Variants in COL25A1 observed in about 807,000 individuals in gnomAD.
The protein encoded by COL25A1 is collagen alpha-1(XXV) chain.
Under a neutral mutation model 128.4 loss-of-function variants are expected in COL25A1, and 103 were observed. The observed-to-expected ratio is 0.80, with a 90% CI of 0.68 to 0.94. COL25A1 has a LOEUF of 0.94. COL25A1 is among the 40% of genes least tolerant of loss of function. The pLI is 0.00. For missense variants in COL25A1, 745 were observed against 840.0 expected (o/e 0.89, Z 1.40); for synonymous variants, 279 against 277.2 (o/e 1.01, Z -0.06).
At chr4:109,252,509 A>G (rs2126244783) in intron 3 of COL25A1, among the ~76,000 whole-genome samples, 1 of 152,310 alleles carries the variant, frequency 6.6e-6, no homozygotes, top group East Asian at 1.9e-4. Context: ...CTTGATTATT[A>G]AAATCCTCTT....
chr4:109,211,562 T>A (rs1777566013), intron 3 of COL25A1, among the ~76,000 whole-genome samples: 1 of 151,036 alleles, frequency 6.6e-6, no homozygotes, highest in Non-Finnish European at 1.5e-5. Context: ...CCTGGCATTG[T>A]CATCAGTGGG....
intron 11 of COL25A1, among the ~76,000 whole-genome samples, chr4:108,923,101 A>G (rs1363394042): frequency 6.6e-6 from 1 of 152,218 alleles, no homozygotes; most frequent in Non-Finnish European, 1.5e-5. Flanking sequence ...TTTTACTTAT[A>G]TGCATTTGTT....
intron 5 of COL25A1, among the ~76,000 whole-genome samples, chr4:109,036,015 C>T (rs1271757772): frequency 6.6e-6 from 1 of 152,004 alleles, no homozygotes; most frequent in Admixed American, 6.6e-5. Context: ...GCAAGCTACG[C>T]CTCCCAGGTT....
At chr4:108,850,613 C>T (rs1049256170) in intron 26 of COL25A1, among the ~76,000 whole-genome samples, 1 of 152,054 alleles carries the variant, frequency 6.6e-6, no homozygotes, top group Non-Finnish European at 1.5e-5. Flanking sequence ...TCAAAGCCAC[C>T]CTTGGCTCTT....
At chr4:109,169,951 T>C (rs1250278166) in intron 3 of COL25A1, among the ~76,000 whole-genome samples, 1 of 152,098 alleles carries the variant, frequency 6.6e-6, no homozygotes, top group Admixed American at 6.5e-5. Flanking sequence ...CATATATTCA[T>C]TTATGTGAAA....
chr4:109,201,986 T>C (rs1776590106), intron 3 of COL25A1, among the ~76,000 whole-genome samples: 1 of 152,076 alleles, frequency 6.6e-6, no homozygotes, highest in Admixed American at 6.6e-5. Context: ...ACCAAATAAA[T>C]GGAGAGATAT....
chr4:108,890,177 T>C (rs1741311759), intron 16 of COL25A1, among the ~76,000 whole-genome samples: 1 of 152,234 alleles, frequency 6.6e-6, no homozygotes. Flanking sequence ...CCTGACCCTT[T>C]TGCTCTTCAG....
chr4:108,832,732 C>T, intron 31 of COL25A1: 1 of 209,170 alleles, frequency 4.8e-6, no homozygotes, highest in East Asian at 1.2e-4. Context: ...TGCGGTGGCT[C>T]AAGCCTGTAA....
chr4:108,871,084 G>A lies in COL25A1; in HGVS notation c.1021-1934C>T, dbSNP rs77416882. Among the ~76,000 whole-genome samples the A allele has an allele frequency of 1.5e-3, 231 of 152,230 alleles. 5 individuals carry two copies. In the East Asian group the frequency reaches 0.018, roughly 12 times the overall value. On this transcript the variant is annotated intron_variant, in intron 19 of 37. Transcript: ENST00000399132. ...CATAATTCACAAACAAATAAATAGG[G>A]CTTTGCGATCTCAGCTGCCAGGTAA...
intron 13 of COL25A1, among the ~76,000 whole-genome samples, chr4:108,913,741 A>C (rs1744540170): frequency 6.6e-6 from 1 of 152,244 alleles, no homozygotes; most frequent in Non-Finnish European, 1.5e-5. Flanking sequence ...ACATCTAAGT[A>C]TATAAACAAA....
At chr4:109,143,699 C>G (rs1025538771) in intron 3 of COL25A1, among the ~76,000 whole-genome samples, 2 of 152,140 alleles carry the variant, frequency 1.3e-5, no homozygotes, top group Non-Finnish European at 2.9e-5. Context: ...ATCAATTCAG[C>G]TATTGATACT....
chr4:109,297,862 C>CTTTT (rs35099153), intron 3 of COL25A1, among the ~76,000 whole-genome samples: 143 of 63,882 alleles, frequency 2.2e-3, no homozygotes, highest in Middle Eastern at 0.022. Context: ...TTTTCCTTTT[C>CTTTT]TTTTTTTTTT....
chr4:109,107,513 A>G (rs1766558290), intron 3 of COL25A1, among the ~76,000 whole-genome samples: 2 of 152,204 alleles, frequency 1.3e-5, no homozygotes, highest in Admixed American at 1.3e-4. Flanking sequence ...CTTGTCATTT[A>G]GTAAGATAAT....
intron 3 of COL25A1, among the ~76,000 whole-genome samples, chr4:109,152,378 C>T (rs942486577): frequency 2.0e-5 from 3 of 152,028 alleles, no homozygotes; most frequent in Non-Finnish European, 4.4e-5. Flanking sequence ...GGAAATAGCA[C>T]CTAAGAGAAA....
intron 13 of COL25A1, among the ~76,000 whole-genome samples, chr4:108,914,939 A>G (rs1744691880): frequency 6.6e-6 from 1 of 152,216 alleles, no homozygotes; most frequent in African/African-American, 2.4e-5. Flanking sequence ...GTCTGTCTCT[A>G]TATTGTACAC....
intron 19 of COL25A1, among the ~76,000 whole-genome samples, chr4:108,876,950 T>A (rs1177391896): frequency 6.6e-6 from 1 of 152,204 alleles, no homozygotes; most frequent in Non-Finnish European, 1.5e-5. Flanking sequence ...ACAGCACATT[T>A]CCCTTTGTTG....
intron 3 of COL25A1, among the ~76,000 whole-genome samples, chr4:109,289,547 A>G (rs1724256845): frequency 6.6e-6 from 1 of 152,124 alleles, no homozygotes; most frequent in South Asian, 2.1e-4. Context: ...GCTAAATTGA[A>G]TCATGAATAT....
chr4:109,070,630 G>A (rs907766247), intron 3 of COL25A1, among the ~76,000 whole-genome samples: 3 of 151,678 alleles, frequency 2.0e-5, no homozygotes, highest in African/African-American at 4.8e-5. Flanking sequence ...TTGGTGTGCT[G>A]CACCCATTAA....
In COL25A1 at chr4:108,863,502, C is replaced by T. The variant is rs984662262; in HGVS notation, c.1084-115G>A. 8.1e-6 allele frequency: 6 copies of T among 741,198 alleles called. No individual in the cohort carries two copies. The African/African-American group carries it at 1.1e-4, about 13-fold the overall frequency. The allele number at this position is 741,198 out of a possible 1,614,324, so 45.9% of individuals were successfully genotyped here. A position where few individuals can be genotyped will look rare whatever the true frequency, so the allele number is the denominator to read the frequency against. On this transcript the variant is annotated intron_variant, in intron 20 of 37. Coordinates refer to ENST00000399132, the MANE Select transcript of COL25A1 (RefSeq NM_198721.4). The stretch of plus-strand genomic sequence containing the variant: ...AAAGCAGAGAGTTTTCATTGATTTA[C>T]CCTGTACCCAGCACTTTATTAATCT...
Sources: gnomAD v4.1 joint callset for allele counts (sites outside exome capture counted in the v4.1 genomes callset) on GRCh38, gnomAD v4.1.1 for gene constraint, MANE v1.5 for transcripts, NCBI Gene and HGNC (gene_info 2026-07-23, HGNC 2026-07-21) for gene names.